The following ASIC2 variants were observed in gnomAD, a reference collection of about 807,000 sequenced individuals.
The protein encoded by ASIC2 is acid sensing ion channel subunit 2.
Under a neutral mutation model 57.3 loss-of-function variants are expected in ASIC2, and 25 were observed. That is an observed-to-expected ratio of 0.44 (90% CI 0.32 to 0.61). The LOEUF (loss-of-function observed/expected upper bound fraction) is 0.61, where lower values mean the gene tolerates loss of function less well. ASIC2 is among the 20% of genes least tolerant of loss of function. ASIC2 has a pLI of 0.06. For synonymous variants in ASIC2, 319 were observed against 307.5 expected (o/e 1.04, Z -0.39); for missense variants, 641 against 738.1 (o/e 0.87, Z 1.52).
intron 1 of ASIC2, among the ~76,000 whole-genome samples, chr17:33,265,265 C>T (rs1339010591): frequency 6.6e-6 from 1 of 152,190 alleles, no homozygotes; most frequent in Non-Finnish European, 1.5e-5. Context: ...CCCAAATGAC[C>T]ATCAGTGATA....
intron 1 of ASIC2, among the ~76,000 whole-genome samples, chr17:33,173,393 T>C (rs879697453): frequency 6.6e-6 from 1 of 152,114 alleles, no homozygotes; most frequent in South Asian, 2.1e-4. Flanking sequence ...GTACCAAGCT[T>C]GCGGGGCCTG....
At chr17:33,561,181 C>G (rs1185760380) in intron 1 of ASIC2, among the ~76,000 whole-genome samples, 2 of 152,098 alleles carry the variant, frequency 1.3e-5, no homozygotes, top group East Asian at 3.9e-4. Context: ...TTCCACTTCC[C>G]CACTCATGAA....
intron 1 of ASIC2, among the ~76,000 whole-genome samples, chr17:33,963,656 T>C (rs1904992990): frequency 6.6e-6 from 1 of 151,836 alleles, no homozygotes; most frequent in Non-Finnish European, 1.5e-5. Context: ...ATAATATGCA[T>C]AATATATATC....
chr17:33,758,998 G>T (rs1414376578), intron 1 of ASIC2, among the ~76,000 whole-genome samples: 1 of 151,714 alleles, frequency 6.6e-6, no homozygotes, highest in Non-Finnish European at 1.5e-5. Context: ...ATTTTCAGAA[G>T]CTGGAAGAAT....
At chr17:33,830,554 A>C in intron 1 of ASIC2, among the ~76,000 whole-genome samples, 1 of 151,208 alleles carries the variant, frequency 6.6e-6, no homozygotes, top group East Asian at 2.0e-4. Flanking sequence ...CATTAAAAAA[A>C]TTTTTTTTTT....
intron 1 of ASIC2, among the ~76,000 whole-genome samples, chr17:33,677,607 TA>T (rs751325400): frequency 3.9e-5 from 6 of 152,150 alleles, no homozygotes; most frequent in Non-Finnish European, 5.9e-5. Context: ...AAGAGATGAT[TA>T]CAACTCTCAC....
At chr17:33,691,493 A>G (rs902030782) in intron 1 of ASIC2, among the ~76,000 whole-genome samples, 9 of 152,180 alleles carry the variant, frequency 5.9e-5, no homozygotes, top group Non-Finnish European at 1.3e-4. Flanking sequence ...ATGTTTGCAC[A>G]TTTGTAAGAA....
intron 1 of ASIC2, among the ~76,000 whole-genome samples, chr17:33,764,029 C>T (rs925487035): frequency 6.6e-5 from 10 of 152,250 alleles, no homozygotes; most frequent in South Asian, 6.2e-4. Context: ...TGCCGTGGCT[C>T]GCGCCTGTAA....
intron 1 of ASIC2, among the ~76,000 whole-genome samples, chr17:33,285,986 G>A (rs62067935): frequency 0.11 from 17,216 of 152,208 alleles, 1,040 homozygotes; most frequent in Middle Eastern, 0.19. Context: ...GGCCAGGAAT[G>A]GGTCTAAGCA....
At chr17:33,162,099 C>CT in intron 1 of ASIC2, among the ~76,000 whole-genome samples, 1 of 152,194 alleles carries the variant, frequency 6.6e-6, no homozygotes, top group East Asian at 1.9e-4. Context: ...TTCATGTTGC[C>CT]TAGCAGTCAT....
At chr17:34,094,374 A>T (rs559977306) in intron 1 of ASIC2, among the ~76,000 whole-genome samples, 1 of 152,234 alleles carries the variant, frequency 6.6e-6, no homozygotes, top group South Asian at 2.1e-4. Flanking sequence ...CAGAACATCA[A>T]CTCAGGGTGC....
intron 3 of ASIC2, among the ~76,000 whole-genome samples, chr17:33,054,419 T>C (rs887926655): frequency 6.6e-6 from 1 of 152,226 alleles, no homozygotes; most frequent in South Asian, 2.1e-4. Context: ...TAGCAAGTGA[T>C]AGTCCTTGAT....
At chr17:33,327,160 T>C (rs762562836) in intron 1 of ASIC2, among the ~76,000 whole-genome samples, 12 of 152,194 alleles carry the variant, frequency 7.9e-5, no homozygotes, top group Non-Finnish European at 1.5e-4. Flanking sequence ...TCCACCACAC[T>C]TCTGACCGTA....
At chr17:34,012,689 T>C (rs1445328339) in intron 1 of ASIC2, among the ~76,000 whole-genome samples, 1 of 151,558 alleles carries the variant, frequency 6.6e-6, no homozygotes, top group African/African-American at 2.4e-5. Flanking sequence ...TCTCTCCTAC[T>C]ATATTGAACT....
intron 1 of ASIC2, among the ~76,000 whole-genome samples, chr17:33,876,854 GT>G (rs1009185356): frequency 2.6e-4 from 39 of 152,286 alleles, no homozygotes; most frequent in Non-Finnish European, 4.0e-4. Context: ...CCCTCGAAAT[GT>G]TCCTGTCACC....
In ASIC2 at chr17:33,782,732, A is replaced by G. The variant is rs151026376; in HGVS notation, c.555+373246T>C. 3.3e-3 allele frequency among the ~76,000 whole-genome samples: 500 copies of G among 152,268 alleles called. 4 individuals carry two copies. The highest frequency in any genetic ancestry group is 0.012 in the African/African-American group (483 of 41,556). ...GACAAAGCAAGGCCCTGCCACTCCC[A>G]CTACTCCCCCACCAAAAGAAATAAA... is the stretch of plus-strand genomic sequence containing the variant. On this transcript the variant is annotated intron_variant, in intron 1 of 9. Transcript: ENST00000359872.
intron 1 of ASIC2, among the ~76,000 whole-genome samples, chr17:33,842,923 G>A (rs544263569): frequency 6.6e-6 from 1 of 152,306 alleles, no homozygotes; most frequent in African/African-American, 2.4e-5. Flanking sequence ...GAATTCCAGG[G>A]AGACAGATTT....
intron 1 of ASIC2, among the ~76,000 whole-genome samples, chr17:33,697,783 T>C (rs1456813453): frequency 6.6e-6 from 1 of 152,202 alleles, no homozygotes; most frequent in Non-Finnish European, 1.5e-5. Flanking sequence ...TGGCACCAAC[T>C]ATATGTATAT....
At position 33,244,670 on chromosome 17, in the gene ASIC2, C is replaced by G. The variant is rs75442479; in HGVS notation, c.708+46738G>C. 9.7e-3 allele frequency among the ~76,000 whole-genome samples: 1,478 copies of G among 152,286 alleles called. 53 individuals are homozygous for G. In the East Asian group the frequency reaches 0.12, roughly 13 times the overall value. ...GGCTTGTCCTGGCCACACCTTGCCC[C>G]ACCACGAGACCCTTGGCTCTTAGAG... On this transcript the variant is annotated intron_variant, in intron 1 of 9. Transcript: ENST00000225823.
Sources: gnomAD v4.1 joint callset for allele counts (sites outside exome capture counted in the v4.1 genomes callset) on GRCh38, gnomAD v4.1.1 for gene constraint, MANE v1.5 for transcripts, NCBI Gene and HGNC (gene_info 2026-07-23, HGNC 2026-07-21) for gene names.